Variants in DCC observed in about 807,000 individuals in gnomAD.
DCC encodes the protein netrin receptor DCC.
A neutral mutation model predicts 172.5 loss-of-function variants in DCC; 58 were observed. That is an observed-to-expected ratio of 0.34 (90% CI 0.27 to 0.42). The LOEUF is 0.42. Among genes scored for constraint, DCC ranks in the 10% least tolerant of loss-of-function variants. The pLI is 1.00. For missense variants in DCC, 1,740 were observed against 1,791.0 expected (o/e 0.97, Z 0.51); for synonymous variants, 709 against 644.5 (o/e 1.10, Z -1.52).
chr18:53,284,148 C>T (rs952105467), intron 12 of DCC, among the ~76,000 whole-genome samples: 7 of 152,150 alleles, frequency 4.6e-5, no homozygotes, highest in African/African-American at 1.7e-4. Context: ...AAAGAATACC[C>T]TGTACAGGCT....
chr18:52,373,819 G>C (rs1401212895), intron 1 of DCC, among the ~76,000 whole-genome samples: 1 of 151,372 alleles, frequency 6.6e-6, no homozygotes, highest in Non-Finnish European at 1.5e-5. Context: ...CTCTCTCCCT[G>C]GATAGATCAC....
chr18:52,544,711 T>C (rs2032563502), intron 1 of DCC, among the ~76,000 whole-genome samples: 1 of 152,136 alleles, frequency 6.6e-6, no homozygotes, highest in South Asian at 2.1e-4. Context: ...GGAAAAAATA[T>C]ATGTAGATAT....
chr18:53,520,848 A>T (rs2144592150), intron 27 of DCC, among the ~76,000 whole-genome samples: 1 of 152,134 alleles, frequency 6.6e-6, no homozygotes, highest in South Asian at 2.1e-4. Flanking sequence ...CTCCTGGGAA[A>T]TTTCCCTCAT....
At chr18:52,377,598 A>G (rs1471495884) in intron 1 of DCC, among the ~76,000 whole-genome samples, 2 of 152,012 alleles carry the variant, frequency 1.3e-5, no homozygotes, top group Non-Finnish European at 2.9e-5. Flanking sequence ...AATAATAGTG[A>G]AAACAGAGTC....
chr18:53,013,128 ATAAATTAGT>A (rs2041754722), intron 5 of DCC, among the ~76,000 whole-genome samples: 1 of 152,136 alleles, frequency 6.6e-6, no homozygotes, highest in Admixed American at 6.6e-5. Context: ...TGGTGGGAGT[ATAAATTAGT>A]TCAACCATTG....
At chr18:53,057,159 C>A (rs187657603) in intron 5 of DCC, among the ~76,000 whole-genome samples, 1 of 148,032 alleles carries the variant, frequency 6.8e-6, no homozygotes, top group Admixed American at 6.8e-5. Context: ...ATTTATTATG[C>A]GAAATAAAAC....
intron 7 of DCC, among the ~76,000 whole-genome samples, chr18:53,117,219 T>C (rs1361772140): frequency 1.3e-5 from 2 of 151,782 alleles, no homozygotes; most frequent in Admixed American, 6.6e-5. Context: ...CTGGATTGCA[T>C]TGGTCAATAT....
intron 7 of DCC, among the ~76,000 whole-genome samples, chr18:53,087,590 G>A (rs2042934233): frequency 1.3e-5 from 2 of 152,162 alleles, no homozygotes; most frequent in African/African-American, 2.4e-5. Flanking sequence ...TTGCTGTGCA[G>A]AAGCTCTTGA....
At chr18:52,918,914 TAAA>T (rs1335447416) in intron 3 of DCC, among the ~76,000 whole-genome samples, 5 of 152,300 alleles carry the variant, frequency 3.3e-5, no homozygotes, top group Admixed American at 1.3e-4. Flanking sequence ...TGCAGCATAA[TAAA>T]CTAAAAAATT....
At chr18:52,864,307 G>A (rs1410052312) in intron 2 of DCC, among the ~76,000 whole-genome samples, 1 of 152,128 alleles carries the variant, frequency 6.6e-6, no homozygotes, top group Non-Finnish European at 1.5e-5. Flanking sequence ...AGAAGTCTGG[G>A]TGTGTTAGAG....
At position 52,718,685 on chromosome 18, in the gene DCC, G is replaced by A. The variant is rs183970286; in HGVS notation, c.92-33369G>A. ...ATGCTCTGCAGAGGCTGCTTATATC[G>A]CAGAGACGTTGAACAAAATTATCTA... is the stretch of plus-strand genomic sequence containing the variant. On this transcript the variant is annotated intron_variant, in intron 1 of 28. Coordinates refer to ENST00000442544, the MANE Select transcript of DCC (RefSeq NM_005215.4). 2.6e-5 allele frequency among the ~76,000 whole-genome samples: 4 copies of A among 152,128 alleles called. No homozygotes were observed. In the East Asian group the frequency reaches 5.8e-4, roughly 22 times the overall value.
chr18:53,415,560 A>G (rs567786105), intron 20 of DCC, among the ~76,000 whole-genome samples: 93 of 152,326 alleles, frequency 6.1e-4, no homozygotes, highest in African/African-American at 2.1e-3. Context: ...TAAATTTCAA[A>G]AAGTCATTTT....
intron 7 of DCC, among the ~76,000 whole-genome samples, chr18:53,080,923 G>A (rs2042791232): frequency 6.6e-6 from 1 of 151,978 alleles, no homozygotes; most frequent in African/African-American, 2.4e-5. Flanking sequence ...CTACTGATGG[G>A]ATGATTCCTC....
chr18:53,342,611 C>A (rs1029018766), intron 15 of DCC, among the ~76,000 whole-genome samples: 1 of 150,160 alleles, frequency 6.7e-6, no homozygotes, highest in Non-Finnish European at 1.5e-5. Flanking sequence ...TTTATAATTT[C>A]TCTAATTTAT....
At chr18:53,496,453 G>T (rs2046024755) in intron 26 of DCC, among the ~76,000 whole-genome samples, 2 of 59,246 alleles carry the variant, frequency 3.4e-5, no homozygotes, top group Admixed American at 1.3e-4. Context: ...CCATCCGAAG[G>T]TCACCAACAT....
rs371884753 is a variant in DCC at position 53,127,341 on chromosome 18, C to T, written c.1262-30015C>T. Among the ~76,000 whole-genome samples, 7 of 151,802 alleles carry T rather than the reference C, an allele frequency of 4.6e-5. No homozygotes were observed. The South Asian group carries it at 8.3e-4, about 18-fold the overall frequency. On this transcript the variant is annotated intron_variant, in intron 7 of 28. Transcript: ENST00000442544. ...ATTCTTAATGGTCATCAGGATTATT[C>T]GGATAGAGCTTCCGATTCCCTCATA...
At chr18:52,926,868 T>TAC (rs572886542) in intron 5 of DCC, among the ~76,000 whole-genome samples, 82 of 146,044 alleles carry the variant, frequency 5.6e-4, no homozygotes, top group African/African-American at 1.9e-3. Context: ...TGTGTATATA[T>TAC]ACATATACAT....
At chr18:52,370,699 A>G (rs778345045) in intron 1 of DCC, among the ~76,000 whole-genome samples, 6 of 152,232 alleles carry the variant, frequency 3.9e-5, no homozygotes, top group Non-Finnish European at 8.8e-5. Flanking sequence ...CATTCTACAC[A>G]TGTACCCTGC....
intron 3 of DCC, among the ~76,000 whole-genome samples, chr18:52,914,496 G>A (rs1218584183): frequency 6.6e-6 from 1 of 152,128 alleles, no homozygotes; most frequent in Non-Finnish European, 1.5e-5. Context: ...ATCCTAGAGT[G>A]GTGAATAATA....
Sources: gnomAD v4.1 joint callset for allele counts (sites outside exome capture counted in the v4.1 genomes callset) on GRCh38, gnomAD v4.1.1 for gene constraint, MANE v1.5 for transcripts, NCBI Gene and HGNC (gene_info 2026-07-23, HGNC 2026-07-21) for gene names.